The following GRIN2B variants were observed in gnomAD, a reference collection of about 807,000 sequenced individuals.
The protein encoded by GRIN2B is glutamate ionotropic receptor NMDA type subunit 2B, also known as glutamate receptor ionotropic, NMDA 2B.
In GRIN2B, 5 loss-of-function variants were observed where a neutral mutation model predicts 114.5. The observed-to-expected ratio is 0.04, with a 90% confidence interval of 0.02 to 0.09. GRIN2B has a LOEUF of 0.09. GRIN2B is among the 10% of genes least tolerant of loss of function. The pLI is 1.00. For synonymous variants in GRIN2B, 787 were observed against 745.1 expected (o/e 1.06, Z -0.92); for missense variants, 1,108 against 1,943.5 (o/e 0.57, Z 8.08).
chr12:13,608,698 C>A lies in GRIN2B; in HGVS notation c.1915G>T (p.Ala639Ser), dbSNP rs1213509668. The A allele has an allele frequency of 6.2e-7, 1 of 1,614,150 alleles. No homozygotes were observed. The highest frequency in any genetic ancestry group is 1.3e-5 in the African/African-American group (1 of 75,048). The change falls in exon 10 of 14, where the codon GCT becomes TCT. Residue 639 changes from alanine to serine, a missense_variant. By Grantham distance (99) the Ala-to-Ser change is moderately conservative. Around this residue, in one of 19 missense-constraint regions of GRIN2B, gnomAD observed 8 missense variants for 87.9 expected, o/e 0.09. Coordinates refer to ENST00000609686, the MANE Select transcript of GRIN2B (RefSeq NM_000834.5). ...GTGTAGCTGGCCAGGAAGATGACAG[C>A]AAAGAAGGCCCACACTGACACCATG... Reference protein sequence around the residue: ...KIMVSVWAFFAVIFLASYTAN... With the variant: ...KIMVSVWAFFSVIFLASYTAN...
chr12:13,932,641 C>T (rs1867054287), intron 2 of GRIN2B, among the ~76,000 whole-genome samples: 1 of 152,184 alleles, frequency 6.6e-6, no homozygotes, highest in African/African-American at 2.4e-5. Context: ...ACAGAGAGGC[C>T]TTTCTATGAT....
At chr12:13,839,889 T>C (rs978062218) in intron 3 of GRIN2B, among the ~76,000 whole-genome samples, 1 of 152,120 alleles carries the variant, frequency 6.6e-6, no homozygotes, top group Non-Finnish European at 1.5e-5. Flanking sequence ...GTAAGCTCAT[T>C]CAATGGACAT....
At chr12:13,925,507 T>C (rs1342650506) in intron 2 of GRIN2B, among the ~76,000 whole-genome samples, 1 of 152,148 alleles carries the variant, frequency 6.6e-6, no homozygotes, top group Non-Finnish European at 1.5e-5. Context: ...AAGAAACATG[T>C]TTATGGCTCA....
intron 2 of GRIN2B, among the ~76,000 whole-genome samples, chr12:13,970,979 A>G (rs1450037314): frequency 6.6e-6 from 1 of 152,238 alleles, no homozygotes. Context: ...ACCACGAATC[A>G]CAAAGACAGC....
chr12:13,895,452 T>G (rs1432974665), intron 2 of GRIN2B, among the ~76,000 whole-genome samples: 1 of 152,188 alleles, frequency 6.6e-6, no homozygotes, highest in African/African-American at 2.4e-5. Flanking sequence ...GATATGTATG[T>G]GACTGTCCTG....
chr12:13,683,040 C>T (rs1407275004), intron 4 of GRIN2B, among the ~76,000 whole-genome samples: 1 of 152,124 alleles, frequency 6.6e-6, no homozygotes, highest in African/African-American at 2.4e-5. Context: ...CTGTCACCAG[C>T]TGTGATAACC....
chr12:13,745,598 G>A (rs942268380), intron 4 of GRIN2B, among the ~76,000 whole-genome samples: 2 of 152,198 alleles, frequency 1.3e-5, no homozygotes, highest in South Asian at 2.1e-4. Flanking sequence ...AGGAGTGACC[G>A]CTCTGAGACT....
At chr12:13,845,642 AG>A (rs1482382006) in intron 3 of GRIN2B, among the ~76,000 whole-genome samples, 1 of 152,194 alleles carries the variant, frequency 6.6e-6, no homozygotes, top group Non-Finnish European at 1.5e-5. Flanking sequence ...TTGTAAAATA[AG>A]GGCATGAGAC....
intron 4 of GRIN2B, among the ~76,000 whole-genome samples, chr12:13,693,067 C>A (rs1014330095): frequency 6.6e-6 from 1 of 152,060 alleles, no homozygotes; most frequent in African/African-American, 2.4e-5. Context: ...TGCACCCAGC[C>A]TCTAATCTTT....
chr12:13,626,147 A>G (rs574991912), intron 5 of GRIN2B, among the ~76,000 whole-genome samples: 3 of 152,164 alleles, frequency 2.0e-5, no homozygotes, highest in Non-Finnish European at 4.4e-5. Context: ...CCTTCCTCCA[A>G]TGAAGACCTG....
At position 13,561,547 on chromosome 12, in the gene GRIN2B, C is replaced by T. The variant is rs1170371668; in HGVS notation, c.*1236G>A. On this transcript the variant is annotated 3_prime_UTR_variant, in exon 14 of 14. Transcript: ENST00000609686. ...GAAGGGATCAAAGCATTGGAAACAT[C>T]CCCCTCTCTCACTTACCCTACCATA... The T allele has an allele frequency of 6.6e-6, 1 of 152,590 alleles. No individual in the cohort carries two copies. The highest frequency in any genetic ancestry group is 6.5e-5 in the Admixed American group (1 of 15,276). The allele number at this position is 152,590 out of a possible 1,614,324, so 9.5% of individuals were successfully genotyped here.
chr12:13,678,151 A>G (rs1950093147), intron 4 of GRIN2B, among the ~76,000 whole-genome samples: 2 of 152,174 alleles, frequency 1.3e-5, no homozygotes, highest in South Asian at 2.1e-4. Flanking sequence ...AATGCAGGCC[A>G]TACAGGGAAT....
intron 5 of GRIN2B, among the ~76,000 whole-genome samples, chr12:13,671,346 C>T (rs1258483749): frequency 2.0e-5 from 3 of 152,128 alleles, no homozygotes. Flanking sequence ...TGATAAATGG[C>T]AACATGGAGA....
intron 2 of GRIN2B, among the ~76,000 whole-genome samples, chr12:13,884,780 T>G (rs1336798486): frequency 6.6e-6 from 1 of 152,192 alleles, no homozygotes; most frequent in Non-Finnish European, 1.5e-5. Flanking sequence ...GTTTCCAGTT[T>G]GATGAAATTT....
intron 3 of GRIN2B, among the ~76,000 whole-genome samples, chr12:13,815,369 A>G (rs1353562684): frequency 2.0e-5 from 3 of 151,900 alleles, no homozygotes; most frequent in South Asian, 2.1e-4. Flanking sequence ...CATTCAGAAC[A>G]GACAAGAAAA....
intron 3 of GRIN2B, among the ~76,000 whole-genome samples, chr12:13,758,911 C>T (rs1863626913): frequency 1.3e-5 from 2 of 148,888 alleles, no homozygotes; most frequent in Admixed American, 1.3e-4. Flanking sequence ...AAACATTTTT[C>T]TAGTGTTCAT....
intron 2 of GRIN2B, among the ~76,000 whole-genome samples, chr12:13,923,069 C>A (rs1043597143): frequency 6.6e-6 from 1 of 152,066 alleles, no homozygotes; most frequent in Admixed American, 6.6e-5. Context: ...TTTCCTTTTT[C>A]TTTAAATCTA....
intron 5 of GRIN2B, among the ~76,000 whole-genome samples, chr12:13,670,820 T>C (rs1364182238): frequency 2.0e-5 from 3 of 152,162 alleles, no homozygotes; most frequent in Admixed American, 2.0e-4. Context: ...AGGGAGATGT[T>C]CTTGGCTTTC....
intron 3 of GRIN2B, among the ~76,000 whole-genome samples, chr12:13,799,383 T>C (rs927860529): frequency 2.0e-4 from 31 of 152,150 alleles, no homozygotes; most frequent in Admixed American, 2.0e-3. Context: ...GCCCTTGTAT[T>C]CCACTGTGCT....
Sources: gnomAD v4.1 joint callset for allele counts (sites outside exome capture counted in the v4.1 genomes callset) on GRCh38, gnomAD v4.1.1 for gene constraint, gnomAD v4.1.1 regional missense constraint, MANE v1.5 for transcripts, NCBI Gene and HGNC (gene_info 2026-07-23, HGNC 2026-07-21) for gene names.